Variants in TPPP observed in about 807,000 individuals in gnomAD.
TPPP encodes tubulin polymerization promoting protein.
In TPPP, 6 loss-of-function variants were observed where a neutral mutation model predicts 15.5. That is an observed-to-expected ratio of 0.39 (90% confidence interval 0.21 to 0.77). TPPP has a LOEUF of 0.77. TPPP is among the 30% of genes least tolerant of loss of function. The pLI is 0.42. For synonymous variants in TPPP, 146 were observed against 133.9 expected, an observed-to-expected ratio of 1.09 and a Z score of -0.63; for missense variants, 269 against 307.2, an observed-to-expected ratio of 0.88 and a Z score of 0.93.
chr5:692,906 C>G (rs1740930180), intron 1 of TPPP: 1 of 930,462 alleles, frequency 1.1e-6, no homozygotes, highest in African/African-American at 1.8e-5. Context: ...GGAAACGGTT[C>G]GAGTCCCGAG....
upstream of TPPP, among the ~76,000 whole-genome samples, chr5:693,838 C>A (rs1354120228): frequency 1.0e-4 from 15 of 149,642 alleles, no homozygotes; most frequent in Non-Finnish European, 2.1e-4. Flanking sequence ...TTTAAGGAGC[C>A]GCAGACGGTG....
chr5:665,074 G>A lies in TPPP; in HGVS notation c.*28C>T, dbSNP rs767505209. On this transcript the variant is annotated 3_prime_UTR_variant, in exon 4 of 4. Transcript: ENST00000360578. The stretch of plus-strand genomic sequence containing the variant: ...ACAGAGTCCCTGCTCTGGGGACACC[G>A]GCAGTGCCGCGAGGCATGGAGCGGG... The A allele has an allele frequency of 3.3e-5, 53 of 1,597,816 alleles. No homozygotes were observed. The highest frequency in any genetic ancestry group is 2.8e-4 in the African/African-American group (21 of 74,788).
At chr5:676,328 C>CA (rs1740429749) in intron 2 of TPPP, 1 of 152,270 alleles carries the variant, frequency 6.6e-6, no homozygotes, top group East Asian at 1.9e-4. Flanking sequence ...TGTGACATCG[C>CA]CACGGAGCAC....
chr5:682,214 T>A, intron 1 of TPPP, among the ~76,000 whole-genome samples: 5 of 146,582 alleles, frequency 3.4e-5, no homozygotes, highest in African/African-American at 7.9e-5. Context: ...CCATGTGGCA[T>A]CAGTAAGCGG....
intron 2 of TPPP, among the ~76,000 whole-genome samples, chr5:666,491 C>T (rs1739920919): frequency 6.6e-6 from 1 of 152,206 alleles, no homozygotes; most frequent in Non-Finnish European, 1.5e-5. Context: ...CTGCTGGGGC[C>T]CCGGCTCTGC....
chr5:678,800 T>C (rs1188478323), intron 1 of TPPP, among the ~76,000 whole-genome samples: 4 of 152,154 alleles, frequency 2.6e-5, no homozygotes, highest in South Asian at 2.1e-4. Context: ...GCCCCCAGAG[T>C]AGGCGGCTGG....
rs375691240 is a variant in TPPP at position 669,481 on chromosome 5, G to A, written c.312-3358C>T. ...CCTGTGGGGGTGTTGACTCTCTGGG[G>A]CCCTTGGGGCCTCTGTCTGTCCTGG... On this transcript the variant is annotated intron_variant, in intron 2 of 3. Transcript: ENST00000360578. 3.3e-5 allele frequency among the ~76,000 whole-genome samples: 5 copies of A among 152,244 alleles called. No homozygotes were observed. In the East Asian group the frequency reaches 7.7e-4, roughly 24 times the overall value.
Position 660,050 on chromosome 5 carries a change from C to T in TPPP, c.*5052G>A, listed in dbSNP as rs1391927433. ...CAGGAGGAACAGCAGGGCCACCCCA[C>T]CCCGCGGACGTCCGCGGTGAGTGCG... On this transcript the variant is annotated 3_prime_UTR_variant, in exon 4 of 4. Coordinates refer to ENST00000360578, the MANE Select transcript of TPPP (RefSeq NM_007030.3). 6.6e-6 allele frequency: 1 copy of T among 152,374 alleles called. No homozygotes were observed. The highest frequency in any genetic ancestry group is 1.5e-5 in the Non-Finnish European group (1 of 68,064). The allele number at this position is 152,374 out of a possible 1,614,324, so 9.4% of individuals were successfully genotyped here. A position where few individuals can be genotyped will look rare whatever the true frequency, so the allele number is the denominator to read the frequency against.
At chr5:697,239 C>T (rs1267481320), upstream of TPPP, among the ~76,000 whole-genome samples, 10 of 150,218 alleles carry the variant, frequency 6.7e-5, no homozygotes, top group East Asian at 2.0e-4. Context: ...GTGAGCCTTG[C>T]GGCTTCACTG....
intron 2 of TPPP, among the ~76,000 whole-genome samples, chr5:670,793 C>T (rs542866850): frequency 1.3e-5 from 2 of 152,336 alleles, no homozygotes; most frequent in African/African-American, 4.8e-5. Context: ...TTCCCGGGGC[C>T]GACAGAGGTC....
At chr5:666,187 TG>T (rs1739906115) in intron 2 of TPPP, 64 bp from the exon 3 acceptor site, 1 of 1,571,648 alleles carries the variant, frequency 6.4e-7, no homozygotes, top group East Asian at 2.3e-5. Context: ...TCCCCACGCG[TG>T]GGTCTGAGCA....
chr5:671,153 G>A lies in TPPP; in HGVS notation c.312-5030C>T, dbSNP rs536160570. 9.9e-4 allele frequency among the ~76,000 whole-genome samples: 151 copies of A among 152,252 alleles called. 1 individual carries two copies. The highest frequency in any genetic ancestry group is 3.5e-3 in the African/African-American group (144 of 41,550). On this transcript the variant is annotated intron_variant, in intron 2 of 3. Transcript: ENST00000360578. The stretch of plus-strand genomic sequence containing the variant: ...AAGGCTCCCCCCTGCCTGAGGGGCC[G>A]CCTGGGATCAGCGCACTGTCTCCCT...
chr5:660,567 G>C lies in TPPP; in HGVS notation c.*4535C>G, dbSNP rs568809359. 1 of 152,572 alleles carries C rather than the reference G, an allele frequency of 6.6e-6. No individual in the cohort carries two copies. The highest frequency in any genetic ancestry group is 1.9e-4 in the East Asian group (1 of 5,306). The allele number at this position is 152,572 out of a possible 1,614,324, so 9.5% of individuals were successfully genotyped here. ...GTGCCATCCCCTCGTGGTGTGTGCT[G>C]TGGGGTGGGAGGGTGGCCAGTGCAC... is the stretch of plus-strand genomic sequence containing the variant. On this transcript the variant is annotated 3_prime_UTR_variant, in exon 4 of 4. Transcript: ENST00000360578.
At chr5:675,090 T>A (rs388188) in intron 2 of TPPP, among the ~76,000 whole-genome samples, 12 of 6,284 alleles carry the variant, frequency 1.9e-3, no homozygotes, top group East Asian at 4.9e-3. Flanking sequence ...CATGGGGGGT[T>A]CAGTGTGGTC....
chr5:694,136 G>C (rs1357799897), upstream of TPPP, among the ~76,000 whole-genome samples: 1 of 148,294 alleles, frequency 6.7e-6, no homozygotes, highest in African/African-American at 2.4e-5. Flanking sequence ...GCCTTTCTCC[G>C]GGCACCTGCC....
intron 1 of TPPP, among the ~76,000 whole-genome samples, chr5:679,211 T>C (rs1184616940): frequency 6.6e-6 from 1 of 152,130 alleles, no homozygotes; most frequent in African/African-American, 2.4e-5. Context: ...TGGCCGCTGC[T>C]GACCCTGAGA....
At chr5:699,159 A>G in the TPPP span, among the ~76,000 whole-genome samples, 59 of 152,122 alleles carry the variant, frequency 3.9e-4, 1 homozygote, top group East Asian at 0.01. Context: ...CATGGAACCC[A>G]AAAAGAGCCC....
intron 2 of TPPP, among the ~76,000 whole-genome samples, chr5:675,397 T>C (rs1279911648): frequency 7.0e-5 from 6 of 85,870 alleles, no homozygotes; most frequent in Admixed American, 4.2e-4. Context: ...GAGGGTGCAG[T>C]GTGGCCAGGG....
At chr5:693,565 C>T (rs1340582381), upstream of TPPP, among the ~76,000 whole-genome samples, 1 of 151,680 alleles carries the variant, frequency 6.6e-6, no homozygotes, top group African/African-American at 2.4e-5. Context: ...CTGCTCAGGC[C>T]CCGCGGACCG....
Sources: gnomAD v4.1 joint callset for allele counts (sites outside exome capture counted in the v4.1 genomes callset) on GRCh38, gnomAD v4.1.1 for gene constraint, MANE v1.5 for transcripts, NCBI Gene and HGNC (gene_info 2026-07-23, HGNC 2026-07-21) for gene names.